PYROXD2: variants seen among roughly 807,000 people sequenced by gnomAD.
The protein encoded by PYROXD2 is pyridine nucleotide-disulfide oxidoreductase domain-containing protein 2.
In PYROXD2, 69 loss-of-function variants were observed where a neutral mutation model predicts 71.1. That is an observed-to-expected ratio of 0.97 (90% confidence interval 0.80 to 1.19). The LOEUF (loss-of-function observed/expected upper bound fraction) is 1.19, where lower values mean the gene tolerates loss of function less well. Ranked by LOEUF, PYROXD2 falls within the 50% of genes most tolerant of loss-of-function variation. The probability of loss-of-function intolerance (pLI) is 0.00; values close to 1 mark genes in which losing one functional copy is unlikely to be tolerated. For synonymous variants in PYROXD2, 287 were observed against 302.7 expected, an observed-to-expected ratio of 0.95 and a Z score of 0.54; for missense variants, 745 against 748.9, an observed-to-expected ratio of 0.99 and a Z score of 0.06.
chr10:98,398,965 T>C (rs1047829466), intron 5 of PYROXD2, among the ~76,000 whole-genome samples: 1 of 151,976 alleles, frequency 6.6e-6, no homozygotes, highest in Non-Finnish European at 1.5e-5. Context: ...GTGAGACTTT[T>C]GTCTCTACAA....
chr10:98,395,667 C>G (rs1266294681), intron 6 of PYROXD2, among the ~76,000 whole-genome samples: 1 of 152,154 alleles, frequency 6.6e-6, no homozygotes, highest in Non-Finnish European at 1.5e-5. Context: ...GAACCTGCTT[C>G]TTTACCTGTA....
intron 4 of PYROXD2, among the ~76,000 whole-genome samples, chr10:98,407,150 C>G (rs1843624237): frequency 1.3e-5 from 2 of 152,040 alleles, no homozygotes; most frequent in African/African-American, 4.8e-5. Flanking sequence ...CTCCCAGGAA[C>G]CTTCCAAAAA....
chr10:98,399,880 G>A (rs1843330225), intron 5 of PYROXD2, among the ~76,000 whole-genome samples: 1 of 152,206 alleles, frequency 6.6e-6, no homozygotes, highest in South Asian at 2.1e-4. Context: ...ACACGCAGGT[G>A]AGCAGGCCTC....
chr10:98,415,095 G>A lies in PYROXD2; in HGVS notation c.41C>T (p.Ala14Val). Reference protein sequence around the residue: ...SGRGLCKAVAASPFPAWRRDN... With the variant: ...SGRGLCKAVAVSPFPAWRRDN... ...TCGTCTCCACGCCGGGAAGGGAGAG[G>A]CGGCCACAGCCTTGCAGAGACCTCG... Residue 14 changes from alanine to valine, a missense_variant, in exon 1 of 16, where the codon GCC becomes GTC. Physicochemically the swap from Ala to Val is moderately conservative, Grantham distance 64. Transcript: ENST00000370575. 6.2e-7 allele frequency: 1 copy of A among 1,614,030 alleles called. No homozygotes were observed. The highest frequency in any genetic ancestry group is 8.5e-7 in the Non-Finnish European group (1 of 1,179,966).
At chr10:98,396,753 C>T (rs1843199462) in intron 6 of PYROXD2, among the ~76,000 whole-genome samples, 1 of 152,198 alleles carries the variant, frequency 6.6e-6, no homozygotes, top group Admixed American at 6.5e-5. Context: ...CAACTCACTT[C>T]AGTCCTGAAA....
At chr10:98,406,892 A>C (rs79247756) in intron 4 of PYROXD2, among the ~76,000 whole-genome samples, 19 of 65,638 alleles carry the variant, frequency 2.9e-4, no homozygotes, top group Middle Eastern at 6.9e-3. Context: ...ACTCCGTCCC[A>C]AAAAAAAAAA....
At chr10:98,399,813 G>C (rs952289488) in intron 5 of PYROXD2, among the ~76,000 whole-genome samples, 2 of 152,240 alleles carry the variant, frequency 1.3e-5, no homozygotes, top group Non-Finnish European at 2.9e-5. Flanking sequence ...ACGTGCCAGT[G>C]CATTTCCTCT....
At chr10:98,408,708 T>C (rs1590976301) in intron 2 of PYROXD2, among the ~76,000 whole-genome samples, 1 of 152,194 alleles carries the variant, frequency 6.6e-6, no homozygotes, top group Admixed American at 6.5e-5. Flanking sequence ...TCAATAAATA[T>C]TTGTTGAACC....
Position 98,392,577 on chromosome 10 carries a change from C to G in PYROXD2, c.928-11G>C, listed in dbSNP as rs1406467049. The G allele has an allele frequency of 1.9e-6, 3 of 1,608,926 alleles. No individual in the cohort carries two copies. The highest frequency in any genetic ancestry group is 2.5e-6 in the Non-Finnish European group (3 of 1,179,846). On this transcript the variant is annotated splice_polypyrimidine_tract_variant and intron_variant, in intron 9 of 15. Coordinates refer to ENST00000370575, the MANE Select transcript of PYROXD2 (RefSeq NM_032709.3). ...CACCTTCGCCACTGTCTAGAGCCCA[C>G]CAGAACAAGGCCCCAGAAACCGCAG...
chr10:98,389,646 G>A (rs1027873295), intron 12 of PYROXD2, among the ~76,000 whole-genome samples: 1 of 152,122 alleles, frequency 6.6e-6, no homozygotes, highest in Non-Finnish European at 1.5e-5. Flanking sequence ...CTGTCTGGAC[G>A]TTTTTTCCCC....
At chr10:98,404,536 A>C (rs532539876) in intron 4 of PYROXD2, among the ~76,000 whole-genome samples, 4 of 152,334 alleles carry the variant, frequency 2.6e-5, no homozygotes, top group East Asian at 3.9e-4. Flanking sequence ...TGTTCGGATT[A>C]TGAAGCTTTT....
At position 98,414,874 on chromosome 10, in the gene PYROXD2, C is replaced by G. The variant is rs12253431; in HGVS notation, c.127+135G>C. ...GGCTTTCCATTGCAGCCCCTGCTAG[C>G]GTATAAACTTCTGGCTGGGTTATGC... On this transcript the variant is annotated intron_variant, in intron 1 of 15. Transcript: ENST00000370575. 2.7e-3 allele frequency: 3,515 copies of G among 1,314,542 alleles called. 60 individuals are homozygous for G. In the African/African-American group the frequency reaches 0.044, roughly 16 times the overall value. 81.4% of individuals were successfully genotyped at this position (1,314,542 alleles called of 1,614,324 possible). A position where few individuals can be genotyped will look rare whatever the true frequency, so the allele number is the denominator to read the frequency against.
intron 8 of PYROXD2, among the ~76,000 whole-genome samples, chr10:98,394,271 T>G (rs892212016): frequency 6.6e-5 from 10 of 152,028 alleles, no homozygotes; most frequent in African/African-American, 1.2e-4. Context: ...CTCCCAGGGA[T>G]CCGAAGAGAA....
At chr10:98,387,624 GTTTTTTTTTTTTT>G (rs550769911) in intron 13 of PYROXD2, among the ~76,000 whole-genome samples, 4 of 113,010 alleles carry the variant, frequency 3.5e-5, no homozygotes, top group African/African-American at 1.1e-4. Flanking sequence ...TTCTCAAGCT[GTTTTTTTTTTTTT>G]TTTTTTTTTT....
In PYROXD2 at chr10:98,400,214, G is replaced by T; in HGVS notation, c.359C>A (p.Thr120Asn). ...GCCTGCACCCTCTTCCAGCATGGGG[G>T]TGAAGGAGTAGGGGTTTCGAAGATG... ...RLHLRNPYSFTPMLEEGAGSK... is the reference protein window; with the variant it reads ...RLHLRNPYSFNPMLEEGAGSK... Residue 120 changes from threonine (T) to asparagine (N), a missense_variant, in exon 5 of 16, where the codon ACC (threonine) becomes AAC (asparagine). Physicochemically the swap from Thr to Asn is moderately conservative, Grantham distance 65 (BLOSUM62 0). Coordinates refer to ENST00000370575, the MANE Select transcript of PYROXD2 (RefSeq NM_032709.3). 6.2e-7 allele frequency: 1 copy of T among 1,612,884 alleles called. No individual in the cohort carries two copies. Among genetic ancestry groups the T allele is most frequent in the Non-Finnish European group, 8.5e-7 (1 of 1,179,408 alleles).
chr10:98,413,895 G>C (rs1037420436), intron 1 of PYROXD2: 1 of 152,120 alleles, frequency 6.6e-6, no homozygotes, highest in African/African-American at 2.4e-5. Context: ...TGGCTACTGA[G>C]TTTGGCAAAA....
intron 1 of PYROXD2, among the ~76,000 whole-genome samples, chr10:98,413,389 T>C (rs1286074038): frequency 6.6e-6 from 1 of 152,210 alleles, no homozygotes; most frequent in African/African-American, 2.4e-5. Flanking sequence ...ATTAGAACAA[T>C]ATTATCTTAT....
At chr10:98,412,887 G>A (rs1185687767) in intron 1 of PYROXD2, among the ~76,000 whole-genome samples, 2 of 152,224 alleles carry the variant, frequency 1.3e-5, no homozygotes. Flanking sequence ...GAGGCAGGGG[G>A]CTTCTCTGAG....
Position 98,400,171 on chromosome 10 carries a change from G to T in PYROXD2, c.402C>A (p.Cys134Ter). The change falls in exon 5 of 16, where the codon TGC (cysteine) becomes TGA (stop). Residue 134 changes from cysteine (C) to a stop codon, truncating the protein, a stop_gained. Transcript: ENST00000370575. LOFTEE classifies it high-confidence loss of function. ...CTGCCATGTCTGTGCCCAGCAGAAGGCACCTGGGCACCTTGCTGCCTGCAC... is the reference window on the plus strand; with the variant it reads ...CTGCCATGTCTGTGCCCAGCAGAAGTCACCTGGGCACCTTGCTGCCTGCAC... ...EEGAGSKVPR[C>*]LLLGTDMAEN... is the part of the protein sequence containing the mutation. 6.2e-7 allele frequency: 1 copy of T among 1,613,686 alleles called. No homozygotes were observed. Among genetic ancestry groups the T allele is most frequent in the Non-Finnish European group, 8.5e-7 (1 of 1,179,798 alleles).
Sources: gnomAD v4.1 joint callset for allele counts (sites outside exome capture counted in the v4.1 genomes callset) on GRCh38, gnomAD v4.1.1 for gene constraint, MANE v1.5 for transcripts, NCBI Gene and HGNC (gene_info 2026-07-23, HGNC 2026-07-21) for gene names.